AGBL3: variants seen among roughly 807,000 people sequenced by gnomAD.
The protein encoded by AGBL3 is AGBL carboxypeptidase 3.
AGBL3 carries 68 observed loss-of-function variants against 94.5 expected under a neutral mutation model. That is an observed-to-expected ratio of 0.72 (90% CI 0.59 to 0.88). The LOEUF (loss-of-function observed/expected upper bound fraction) is 0.88. AGBL3 is among the 40% of genes least tolerant of loss of function. The probability of loss-of-function intolerance (pLI) is 0.00; values close to 1 mark genes in which losing one functional copy is unlikely to be tolerated. For missense variants in AGBL3, 934 were observed against 1,103.8 expected, an observed-to-expected ratio of 0.85 and a Z score of 2.18; for synonymous variants, 354 against 370.7, an observed-to-expected ratio of 0.95 and a Z score of 0.52.
chr7:135,134,869 A>C lies in AGBL3; in HGVS notation c.2371A>C (p.Lys791Gln). Residue 791 changes from lysine (K) to glutamine (Q), a missense_variant, in exon 17 of 17, where the codon AAG becomes CAG. Coordinates refer to ENST00000436302, the MANE Select transcript of AGBL3 (RefSeq NM_178563.4). ...AAATCCGGCTACTTGCAGAAATATA[A>C]AGAAATACAGCACATCTTGGACAGC... ...QLNPATCRNI[K>Q]KYSTSWTAPR... 5.2e-6 allele frequency: 8 copies of C among 1,550,238 alleles called. No individual in the cohort carries two copies. The highest frequency in any genetic ancestry group is 7.0e-6 in the Non-Finnish European group (8 of 1,146,270).
chr7:135,058,874 A>C (rs936016316), intron 11 of AGBL3, among the ~76,000 whole-genome samples: 1 of 152,060 alleles, frequency 6.6e-6, no homozygotes, highest in East Asian at 1.9e-4. Flanking sequence ...CTCCTGCCTC[A>C]GCCTCCTGAG....
intron 6 of AGBL3, 61 bp downstream of exon 6, chr7:135,033,043 GTACAT>G: frequency 7.2e-7 from 1 of 1,394,182 alleles, no homozygotes; most frequent in Non-Finnish European, 9.5e-7. Flanking sequence ...TCTGTATCAA[GTACAT>G]TAAAGTTCTT....
At chr7:135,129,754 A>G (rs1828466109) in intron 16 of AGBL3, 3 of 679,750 alleles carry the variant, frequency 4.4e-6, no homozygotes, top group South Asian at 3.2e-5. Flanking sequence ...CAAGTACACA[A>G]AGTAACCCTG....
intron 11 of AGBL3, among the ~76,000 whole-genome samples, chr7:135,054,924 C>A (rs1037745266): frequency 6.6e-6 from 1 of 152,152 alleles, no homozygotes; most frequent in Non-Finnish European, 1.5e-5. Context: ...CATAGTTTTG[C>A]AGGTGAGGAA....
At chr7:135,038,990 A>C (rs1584914825) in intron 8 of AGBL3, among the ~76,000 whole-genome samples, 1 of 152,038 alleles carries the variant, frequency 6.6e-6, no homozygotes, top group Non-Finnish European at 1.5e-5. Flanking sequence ...GTGAAAATCC[A>C]CAATTATAGT....
chr7:135,068,386 A>G (rs1268671161), intron 12 of AGBL3, among the ~76,000 whole-genome samples: 1 of 152,136 alleles, frequency 6.6e-6, no homozygotes, highest in African/African-American at 2.4e-5. Context: ...TACAGAGAAC[A>G]CCACAAAGAT....
At chr7:135,073,462 C>G (rs1446709260) in intron 12 of AGBL3, among the ~76,000 whole-genome samples, 2 of 147,868 alleles carry the variant, frequency 1.4e-5, no homozygotes, top group Non-Finnish European at 3.0e-5. Flanking sequence ...CAGTGCAAGA[C>G]TCCGTCTCAA....
intron 16 of AGBL3, among the ~76,000 whole-genome samples, chr7:135,125,690 T>C (rs1425930180): frequency 6.6e-6 from 1 of 152,144 alleles, no homozygotes; most frequent in Non-Finnish European, 1.5e-5. Context: ...AAAAAACGTA[T>C]CCACCATGAT....
chr7:135,063,650 G>A (rs1298910223), intron 12 of AGBL3, among the ~76,000 whole-genome samples: 1 of 151,976 alleles, frequency 6.6e-6, no homozygotes, highest in African/African-American at 2.4e-5. Flanking sequence ...GTTCAGGAGT[G>A]TATTATTTAA....
chr7:135,086,725 G>A (rs755211404), intron 15 of AGBL3, among the ~76,000 whole-genome samples: 2 of 151,938 alleles, frequency 1.3e-5, no homozygotes, highest in Middle Eastern at 3.4e-3. Context: ...GTGCTGCTGG[G>A]TTTAGGAGAT....
chr7:135,044,239 T>C, intron 9 of AGBL3, 88 bp downstream of exon 9: 2 of 1,250,128 alleles, frequency 1.6e-6, no homozygotes, highest in African/African-American at 1.5e-5. Context: ...CAGACAATAG[T>C]ACTTTCTTCC....
chr7:135,059,897 C>A (rs1395048253), intron 12 of AGBL3, among the ~76,000 whole-genome samples: 1 of 152,174 alleles, frequency 6.6e-6, no homozygotes, highest in Non-Finnish European at 1.5e-5. Context: ...AACTTTAAAA[C>A]CTCAGTGGCT....
intron 12 of AGBL3, among the ~76,000 whole-genome samples, chr7:135,060,526 T>A (rs1818736759): frequency 6.6e-6 from 1 of 152,120 alleles, no homozygotes; most frequent in South Asian, 2.1e-4. Context: ...GAATTTTGTA[T>A]CCTTTGACTA....
intron 11 of AGBL3, chr7:135,051,286 G>A (rs1283069394): frequency 1.7e-5 from 3 of 180,546 alleles, no homozygotes; most frequent in African/African-American, 4.9e-5. Context: ...CAGATGCAGA[G>A]TATGATTTTG....
At chr7:135,006,221 A>AT (rs1263837258) in intron 4 of AGBL3, among the ~76,000 whole-genome samples, 5 of 151,738 alleles carry the variant, frequency 3.3e-5, no homozygotes, top group African/African-American at 9.6e-5. Flanking sequence ...TTTTATTTTT[A>AT]TTTTTTTTAA....
At chr7:135,006,194 T>C (rs1584798686) in intron 4 of AGBL3, among the ~76,000 whole-genome samples, 2 of 151,844 alleles carry the variant, frequency 1.3e-5, no homozygotes, top group East Asian at 3.9e-4. Context: ...GCCAGTTGAT[T>C]CTATCTCCTT....
chr7:135,033,332 A>T (rs1165155018), intron 6 of AGBL3, among the ~76,000 whole-genome samples: 1 of 152,194 alleles, frequency 6.6e-6, no homozygotes, highest in Admixed American at 6.5e-5. Flanking sequence ...ATATTATGGA[A>T]ATATTTAAAC....
Position 134,987,886 on chromosome 7 carries a change from C to T in AGBL3, c.-48C>T. 1 of 1,397,322 alleles carries T rather than the reference C, an allele frequency of 7.2e-7. No homozygotes were observed. The highest frequency in any genetic ancestry group is 1.3e-5 in the South Asian group (1 of 76,218). 86.6% of individuals were successfully genotyped at this position (1,397,322 alleles called of 1,614,324 possible). ...TATAATTTCCTTAGAAATTGTTTTA[C>T]AGCCTACCCGTATATTACAAGAAAT... On this transcript the variant is annotated 5_prime_UTR_variant, in exon 2 of 17. Coordinates refer to ENST00000436302, the MANE Select transcript of AGBL3 (RefSeq NM_178563.4).
At chr7:135,078,393 G>A (rs1181555425) in intron 13 of AGBL3, among the ~76,000 whole-genome samples, 1 of 152,164 alleles carries the variant, frequency 6.6e-6, no homozygotes, top group Non-Finnish European at 1.5e-5. Context: ...TTTCAGGAAT[G>A]TAATATGAAT....
Sources: gnomAD v4.1 joint callset for allele counts (sites outside exome capture counted in the v4.1 genomes callset) on GRCh38, gnomAD v4.1.1 for gene constraint, MANE v1.5 for transcripts, NCBI Gene and HGNC (gene_info 2026-07-23, HGNC 2026-07-21) for gene names.